The following FHIT variants were observed in gnomAD, a reference collection of about 807,000 sequenced individuals.
FHIT encodes the protein fragile histidine triad diadenosine triphosphatase, also known as bis(5'-adenosyl)-triphosphatase.
Under a neutral mutation model 17.9 loss-of-function variants are expected in FHIT, and 19 were observed. That is an observed-to-expected ratio of 1.06 (90% CI 0.74 to 1.56). The LOEUF is 1.56. Among genes scored for constraint, FHIT ranks in the 40% most tolerant of loss-of-function variants. The probability of loss-of-function intolerance (pLI) is 0.00; values close to 1 mark genes in which losing one functional copy is unlikely to be tolerated. For missense variants in FHIT, 248 were observed against 189.2 expected (o/e 1.31, Z -1.82); for synonymous variants, 81 against 69.7 (o/e 1.16, Z -0.81).
intron 4 of FHIT, among the ~76,000 whole-genome samples, chr3:60,642,861 TC>T (rs1245675702): frequency 2.6e-5 from 4 of 152,136 alleles, no homozygotes; most frequent in Admixed American, 2.0e-4. Flanking sequence ...ACTTGTTAAC[TC>T]CTATTCCTAT....
At chr3:60,700,747 A>T (rs2107908023) in intron 4 of FHIT, among the ~76,000 whole-genome samples, 1 of 152,286 alleles carries the variant, frequency 6.6e-6, no homozygotes, top group Non-Finnish European at 1.5e-5. Context: ...ATATTTTCCA[A>T]TTTTGTCAAC....
intron 4 of FHIT, among the ~76,000 whole-genome samples, chr3:60,619,600 CAAAAAAAAAAAAAAAA>C (rs57198487): frequency 1.1e-5 from 1 of 88,692 alleles, no homozygotes. Flanking sequence ...TACCCACATG[CAAAAAAAAAAAAAAAA>C]AAAAAAAAAA....
intron 2 of FHIT, among the ~76,000 whole-genome samples, chr3:61,174,537 A>C (rs1171939039): frequency 2.0e-5 from 3 of 152,208 alleles, no homozygotes; most frequent in Non-Finnish European, 4.4e-5. Flanking sequence ...GGGGGACCTC[A>C]TGATTCCATC....
chr3:60,270,807 A>G (rs1706821705), intron 5 of FHIT, among the ~76,000 whole-genome samples: 3 of 152,150 alleles, frequency 2.0e-5, no homozygotes, highest in South Asian at 4.1e-4. Context: ...TCTACAAAGA[A>G]CCATGGGGAG....
chr3:60,879,436 A>C (rs1336958563), intron 3 of FHIT, among the ~76,000 whole-genome samples: 1 of 152,158 alleles, frequency 6.6e-6, no homozygotes, highest in African/African-American at 2.4e-5. Context: ...TGCAAAAGCC[A>C]CTCTAGAAAG....
At chr3:60,326,354 T>A (rs1460290083) in intron 5 of FHIT, among the ~76,000 whole-genome samples, 2 of 152,074 alleles carry the variant, frequency 1.3e-5, no homozygotes, top group Non-Finnish European at 2.9e-5. Context: ...TGACAGATCA[T>A]CAGGCATTAG....
intron 3 of FHIT, among the ~76,000 whole-genome samples, chr3:60,977,661 C>A (rs1418015969): frequency 6.6e-6 from 1 of 152,036 alleles, no homozygotes; most frequent in East Asian, 1.9e-4. Context: ...CACCTGAGGT[C>A]GGGAGTTCGA....
At chr3:60,033,833 T>C (rs567347069) in intron 5 of FHIT, among the ~76,000 whole-genome samples, 13 of 152,320 alleles carry the variant, frequency 8.5e-5, no homozygotes, top group African/African-American at 3.1e-4. Context: ...ATAGTAAACA[T>C]TCAGTAAATG....
chr3:61,109,881 T>C (rs1422547127), intron 2 of FHIT, among the ~76,000 whole-genome samples: 3 of 152,022 alleles, frequency 2.0e-5, no homozygotes, highest in South Asian at 2.1e-4. Flanking sequence ...AGGACAACCT[T>C]CAAAAGATTA....
At chr3:61,114,978 T>C (rs962241817) in intron 2 of FHIT, among the ~76,000 whole-genome samples, 5 of 152,190 alleles carry the variant, frequency 3.3e-5, no homozygotes, top group African/African-American at 9.6e-5. Context: ...GGCCAAAAGA[T>C]GCTTTTTCCA....
intron 3 of FHIT, among the ~76,000 whole-genome samples, chr3:60,861,089 TCA>T (rs1703789131): frequency 1.1e-5 from 1 of 93,658 alleles, no homozygotes; most frequent in African/African-American, 3.8e-5. Context: ...GTCATATATA[TCA>T]GATATCATAT....
At chr3:60,567,435 C>T (rs554841118) in intron 4 of FHIT, among the ~76,000 whole-genome samples, 43 of 152,258 alleles carry the variant, frequency 2.8e-4, no homozygotes, top group African/African-American at 4.6e-4. Flanking sequence ...CCCTTCCTTA[C>T]ACCTTATACA....
chr3:60,196,013 C>T (rs950945426), intron 5 of FHIT, among the ~76,000 whole-genome samples: 1 of 151,948 alleles, frequency 6.6e-6, no homozygotes, highest in African/African-American at 2.4e-5. Flanking sequence ...TACTTGTACC[C>T]CTAAAGCTAT....
chr3:61,188,306 C>A (rs112908110), intron 2 of FHIT, among the ~76,000 whole-genome samples: 21,162 of 152,210 alleles, frequency 0.14, 1,585 homozygotes, highest in South Asian at 0.22. Flanking sequence ...ATAAACACCT[C>A]TATGCAAATA....
intron 1 of FHIT, among the ~76,000 whole-genome samples, chr3:61,243,784 A>G (rs1472729136): frequency 6.6e-6 from 1 of 152,162 alleles, no homozygotes; most frequent in Non-Finnish European, 1.5e-5. Context: ...GAAATTCAAT[A>G]TAAGGAAAAC....
chr3:59,902,019 T>C (rs1315053729), intron 8 of FHIT, among the ~76,000 whole-genome samples: 2 of 152,070 alleles, frequency 1.3e-5, no homozygotes, highest in African/African-American at 2.4e-5. Flanking sequence ...ATTTACAAAA[T>C]GGGAGAGCAT....
intron 5 of FHIT, among the ~76,000 whole-genome samples, chr3:60,393,125 A>G (rs892880383): frequency 8.5e-5 from 13 of 152,092 alleles, no homozygotes; most frequent in African/African-American, 3.1e-4. Flanking sequence ...CTAATTTTAA[A>G]AAGTCTGTAA....
rs962275198 is a variant in FHIT, at chr3:60,906,651, C to T, written c.-110-84640G>A. Among the ~76,000 whole-genome samples the T allele has an allele frequency of 3.3e-5, 5 of 152,150 alleles. No homozygotes were observed. In the East Asian group the frequency reaches 9.6e-4, roughly 29 times the overall value. ...GAGATATGTCAAAACGACATAGGAA[C>T]TAGCATCAGGGGATCCCACTGGCTA... is the stretch of plus-strand genomic sequence containing the variant. On this transcript the variant is annotated intron_variant, in intron 3 of 9. Coordinates refer to ENST00000492590, the MANE Select transcript of FHIT (RefSeq NM_002012.4).
chr3:60,058,133 T>G (rs1331491535), intron 5 of FHIT, among the ~76,000 whole-genome samples: 6 of 42,218 alleles, frequency 1.4e-4, no homozygotes, highest in African/African-American at 2.9e-4. Flanking sequence ...GAGTTGTGTT[T>G]TTTTTTTTTT....
Sources: gnomAD v4.1 joint callset for allele counts (sites outside exome capture counted in the v4.1 genomes callset) on GRCh38, gnomAD v4.1.1 for gene constraint, MANE v1.5 for transcripts, NCBI Gene and HGNC (gene_info 2026-07-23, HGNC 2026-07-21) for gene names.